The following KIAA1549L variants were observed in gnomAD, a reference collection of about 807,000 sequenced individuals.
The protein encoded by KIAA1549L is UPF0606 protein KIAA1549L.
Under a neutral mutation model 160.7 loss-of-function variants are expected in KIAA1549L, and 88 were observed. That is an observed-to-expected ratio of 0.55 (90% CI 0.46 to 0.65). The LOEUF (loss-of-function observed/expected upper bound fraction) is 0.65, where lower values mean the gene tolerates loss of function less well. Among genes scored for constraint, KIAA1549L ranks in the 30% least tolerant of loss-of-function variants. The pLI is 0.00. For missense variants in KIAA1549L, 2,258 were observed against 2,437.5 expected (o/e 0.93, Z 1.55); for synonymous variants, 950 against 976.7 (o/e 0.97, Z 0.51).
chr11:33,608,783 C>T (rs903035347), intron 14 of KIAA1549L, among the ~76,000 whole-genome samples: 2 of 152,154 alleles, frequency 1.3e-5, no homozygotes, highest in African/African-American at 2.4e-5. Flanking sequence ...ACCTTGCTGG[C>T]ATTTGGATTG....
At chr11:33,397,291 G>C (rs2134058358) in intron 1 of KIAA1549L, among the ~76,000 whole-genome samples, 1 of 142,862 alleles carries the variant, frequency 7.0e-6, no homozygotes, top group East Asian at 2.1e-4. Context: ...CTGGGGTTGT[G>C]CCATTGCACT....
intron 1 of KIAA1549L, among the ~76,000 whole-genome samples, chr11:33,511,878 G>A (rs1422206717): frequency 6.6e-6 from 1 of 152,210 alleles, no homozygotes; most frequent in African/African-American, 2.4e-5. Context: ...TCAGCTGTAA[G>A]GACTGGACCA....
chr11:33,642,962 G>A (rs1406212107), intron 16 of KIAA1549L, among the ~76,000 whole-genome samples: 2 of 152,190 alleles, frequency 1.3e-5, no homozygotes, highest in Non-Finnish European at 2.9e-5. Context: ...GGTTCAGGGA[G>A]TATCCAGTCT....
chr11:33,385,001 C>A (rs776201357), intron 1 of KIAA1549L, among the ~76,000 whole-genome samples: 1 of 149,314 alleles, frequency 6.7e-6, no homozygotes, highest in Non-Finnish European at 1.5e-5. Context: ...ATCAACTTTT[C>A]AATTTAAGAT....
intron 1 of KIAA1549L, among the ~76,000 whole-genome samples, chr11:33,436,678 G>T (rs57136990): frequency 1.3e-5 from 2 of 152,334 alleles, no homozygotes; most frequent in East Asian, 3.9e-4. Context: ...GCATAGAATG[G>T]TTTAACAACT....
At chr11:33,667,782 C>A (rs1852522315) in intron 20 of KIAA1549L, 91 bp from the exon 21 acceptor site, 2 of 1,104,604 alleles carry the variant, frequency 1.8e-6, no homozygotes, top group Non-Finnish European at 2.6e-6. Flanking sequence ...ATGTCCTCAG[C>A]CCCCTCCTGC....
intron 1 of KIAA1549L, among the ~76,000 whole-genome samples, chr11:33,464,872 T>C (rs1852019453): frequency 6.6e-6 from 1 of 151,972 alleles, no homozygotes. Flanking sequence ...AGATTTTTTT[T>C]AGCCCTGCAT....
At chr11:33,632,684 G>A (rs1851329788) in intron 16 of KIAA1549L, among the ~76,000 whole-genome samples, 2 of 151,374 alleles carry the variant, frequency 1.3e-5, no homozygotes, top group Non-Finnish European at 3.0e-5. Flanking sequence ...GCTCAGGCGA[G>A]CCTCCCTCCT....
intron 1 of KIAA1549L, among the ~76,000 whole-genome samples, chr11:33,394,392 A>G (rs1337248726): frequency 2.1e-5 from 1 of 48,412 alleles, no homozygotes; most frequent in African/African-American, 1.4e-4. Context: ...ACTCATAAAT[A>G]ATAAATAAAT....
At chr11:33,536,478 C>T (rs1340632717) in intron 1 of KIAA1549L, among the ~76,000 whole-genome samples, 7 of 152,166 alleles carry the variant, frequency 4.6e-5, no homozygotes, top group Admixed American at 3.3e-4. Flanking sequence ...GTGTGGGCTG[C>T]TCACAGAGTG....
intron 20 of KIAA1549L, among the ~76,000 whole-genome samples, chr11:33,661,370 G>A (rs956872289): frequency 1.2e-4 from 18 of 152,130 alleles, no homozygotes; most frequent in African/African-American, 4.1e-4. Flanking sequence ...TCTTAGGTAG[G>A]TATTATTCCC....
chr11:33,404,888 A>C (rs1180121072), intron 1 of KIAA1549L, among the ~76,000 whole-genome samples: 1 of 151,148 alleles, frequency 6.6e-6, no homozygotes, highest in African/African-American at 2.4e-5. Context: ...CATGCCTGTA[A>C]TCCCAGCTAC....
At chr11:33,388,547 C>G (rs1036927561) in intron 1 of KIAA1549L, among the ~76,000 whole-genome samples, 1 of 150,030 alleles carries the variant, frequency 6.7e-6, no homozygotes, top group African/African-American at 2.5e-5. Flanking sequence ...TATCCATAGA[C>G]GTAGCCTCAA....
At chr11:33,498,248 T>C (rs1359797726) in intron 1 of KIAA1549L, among the ~76,000 whole-genome samples, 2 of 152,186 alleles carry the variant, frequency 1.3e-5, no homozygotes, top group Non-Finnish European at 2.9e-5. Flanking sequence ...CCCATGGGGC[T>C]TGTCCCGGAT....
chr11:33,633,774 G>C (rs867686518), intron 16 of KIAA1549L, among the ~76,000 whole-genome samples: 1 of 152,200 alleles, frequency 6.6e-6, no homozygotes, highest in African/African-American at 2.4e-5. Context: ...TGTAGGGGCT[G>C]TGCTCATAGC....
chr11:33,505,644 G>C (rs1165461654), intron 1 of KIAA1549L, among the ~76,000 whole-genome samples: 1 of 152,068 alleles, frequency 6.6e-6, no homozygotes, highest in African/African-American at 2.4e-5. Context: ...GTTGTTTCTG[G>C]TCTGAGCAAA....
At chr11:33,447,425 C>G (rs1851633654) in intron 1 of KIAA1549L, among the ~76,000 whole-genome samples, 1 of 152,020 alleles carries the variant, frequency 6.6e-6, no homozygotes, top group South Asian at 2.1e-4. Flanking sequence ...GATTTACTCT[C>G]TAAAAAACCT....
intron 1 of KIAA1549L, among the ~76,000 whole-genome samples, chr11:33,485,062 C>T (rs1019469840): frequency 9.9e-5 from 15 of 152,186 alleles, no homozygotes; most frequent in African/African-American, 3.6e-4. Flanking sequence ...GACATAGCCT[C>T]TTTATCATCC....
rs1368528776 is a variant in KIAA1549L, at chr11:33,544,984, A to G, written c.2991A>G (p.Pro997=). ...CCGCATCTGGCCCAAAGAGGACACC[A>G]GGGGCAGTCCATACAGCCTTCCCAT... The part of the protein sequence containing the change: ...NKAASGPKRT[P]GAVHTAFPFT... Residue 997 remains proline, a synonymous_variant, in exon 3 of 21, where the codon CCA becomes CCG. Transcript: ENST00000658780. 3 of 1,613,904 alleles carry G rather than the reference A, an allele frequency of 1.9e-6. No homozygotes were observed. The African/African-American group carries it at 4.0e-5, about 22-fold the overall frequency.
Sources: gnomAD v4.1 joint callset for allele counts (sites outside exome capture counted in the v4.1 genomes callset) on GRCh38, gnomAD v4.1.1 for gene constraint, MANE v1.5 for transcripts, NCBI Gene and HGNC (gene_info 2026-07-23, HGNC 2026-07-21) for gene names.